CTNNA3: variants seen among roughly 807,000 people sequenced by gnomAD.
The protein encoded by CTNNA3 is catenin alpha 3, also known as catenin alpha-3.
Under a neutral mutation model 95.7 loss-of-function variants are expected in CTNNA3, and 76 were observed. That is an observed-to-expected ratio of 0.79 (90% CI 0.66 to 0.96). The LOEUF (loss-of-function observed/expected upper bound fraction) is 0.96. CTNNA3 is among the 40% of genes least tolerant of loss of function. The pLI is 0.00. For synonymous variants in CTNNA3, 431 were observed against 374.4 expected (o/e 1.15, Z -1.74); for missense variants, 1,191 against 1,089.8 (o/e 1.09, Z -1.31).
At chr10:65,984,931 T>A (rs1327774152) in intron 16 of CTNNA3, among the ~76,000 whole-genome samples, 1 of 151,060 alleles carries the variant, frequency 6.6e-6, no homozygotes, top group Non-Finnish European at 1.5e-5. Context: ...ATAATCAAAC[T>A]CAGAAATTTT....
chr10:67,238,869 T>G (rs1368750246), intron 5 of CTNNA3, among the ~76,000 whole-genome samples: 1 of 152,164 alleles, frequency 6.6e-6, no homozygotes, highest in Non-Finnish European at 1.5e-5. Flanking sequence ...TTATACCTCA[T>G]TATCTAGTAG....
chr10:66,961,456 C>T lies in CTNNA3; in HGVS notation c.1048-185932G>A, dbSNP rs577616707. On this transcript the variant is annotated intron_variant, in intron 7 of 17. Transcript: ENST00000433211. Reference sequence around the variant, plus strand: ...CCATCTTCATTACATTCAAGCATGCCACTCACTGGTGATTTTCTTCCAACC... The same window carrying T: ...CCATCTTCATTACATTCAAGCATGCTACTCACTGGTGATTTTCTTCCAACC... Among the ~76,000 whole-genome samples the T allele has an allele frequency of 7.2e-5, 11 of 152,276 alleles. No homozygotes were observed. In the South Asian group the frequency reaches 2.3e-3, roughly 32 times the overall value.
intron 6 of CTNNA3, among the ~76,000 whole-genome samples, chr10:67,209,977 C>A (rs1032142433): frequency 1.3e-5 from 2 of 151,888 alleles, no homozygotes; most frequent in African/African-American, 2.4e-5. Context: ...AAAAGATCAG[C>A]AAATTAACCT....
In CTNNA3 at chr10:65,920,364, AC is replaced by A; in HGVS notation, c.2653del (p.Val885SerfsTer2). ...TTGTCTTCCTCTAAATTCACTCATG[AC>A]TTGCAATGGATGGATTTTTTTCTTT... is the stretch of plus-strand genomic sequence containing the variant. ...SAKKKIHPLQ[V>X]MSEFRGRQIY On this transcript the variant is annotated frameshift_variant, in exon 18 of 18. Transcript: ENST00000433211. LOFTEE classifies it high-confidence loss of function. 6.2e-7 allele frequency: 1 copy of A among 1,613,926 alleles called. No homozygotes were observed. Among genetic ancestry groups the A allele is most frequent in the South Asian group, 1.1e-5 (1 of 91,078 alleles).
intron 9 of CTNNA3, among the ~76,000 whole-genome samples, chr10:66,713,130 G>C (rs1848347605): frequency 1.3e-5 from 2 of 152,106 alleles, no homozygotes; most frequent in Admixed American, 6.6e-5. Context: ...CACAAAGCTA[G>C]CAGGCTGCTA....
chr10:67,063,800 C>G (rs1855902369), intron 7 of CTNNA3, among the ~76,000 whole-genome samples: 1 of 152,194 alleles, frequency 6.6e-6, no homozygotes, highest in African/African-American at 2.4e-5. Flanking sequence ...TGGAGAAGAT[C>G]TCTAAGTTGC....
intron 2 of CTNNA3, among the ~76,000 whole-genome samples, chr10:67,625,468 T>C (rs568182425): frequency 1.4e-4 from 21 of 152,288 alleles, no homozygotes; most frequent in African/African-American, 5.1e-4. Context: ...ACTTATACTG[T>C]CCATGATAGT....
At chr10:66,696,248 C>T (rs1847759184) in intron 9 of CTNNA3, among the ~76,000 whole-genome samples, 1 of 152,068 alleles carries the variant, frequency 6.6e-6, no homozygotes, top group African/African-American at 2.4e-5. Flanking sequence ...TAGATGTCAT[C>T]AGTGTTTCAG....
intron 7 of CTNNA3, among the ~76,000 whole-genome samples, chr10:67,001,785 A>G (rs1403292342): frequency 6.6e-6 from 1 of 152,202 alleles, no homozygotes; most frequent in Middle Eastern, 3.2e-3. Flanking sequence ...CATGTAATAA[A>G]AAAGGGTGCT....
intron 5 of CTNNA3, among the ~76,000 whole-genome samples, chr10:67,401,652 T>C (rs1844928561): frequency 6.6e-6 from 1 of 152,148 alleles, no homozygotes; most frequent in East Asian, 1.9e-4. Flanking sequence ...GTGCTAGTGA[T>C]TGGATGTGGC....
At chr10:66,442,029 T>C (rs1410583361) in intron 11 of CTNNA3, among the ~76,000 whole-genome samples, 1 of 152,218 alleles carries the variant, frequency 6.6e-6, no homozygotes, top group African/African-American at 2.4e-5. Context: ...TAGTACATTG[T>C]TTGAAAACCT....
chr10:67,285,222 A>G (rs1442634510), intron 5 of CTNNA3, among the ~76,000 whole-genome samples: 1 of 152,242 alleles, frequency 6.6e-6, no homozygotes, highest in Non-Finnish European at 1.5e-5. Flanking sequence ...TTAGACATTT[A>G]GAAGTCCCAA....
At chr10:66,394,423 A>G (rs1208280603) in intron 11 of CTNNA3, among the ~76,000 whole-genome samples, 1 of 152,052 alleles carries the variant, frequency 6.6e-6, no homozygotes, top group East Asian at 1.9e-4. Context: ...AACCTTAGGC[A>G]TTCTCACTCA....
In CTNNA3 at chr10:66,755,104, A is replaced by G. The variant is rs150692562; in HGVS notation, c.1281+11160T>C. ...GAACAGAGAATGAAATGCAGTACAC[A>G]ACAGTATACATCAGAACTGGGCATA... On this transcript the variant is annotated intron_variant, in intron 9 of 17. Coordinates refer to ENST00000433211, the MANE Select transcript of CTNNA3 (RefSeq NM_013266.4). Among the ~76,000 whole-genome samples the G allele has an allele frequency of 1.1e-4, 17 of 152,306 alleles. No individual in the cohort carries two copies. The East Asian group carries it at 3.1e-3, about 28-fold the overall frequency.
chr10:66,011,420 G>A (rs865773905), intron 15 of CTNNA3, among the ~76,000 whole-genome samples: 1 of 152,052 alleles, frequency 6.6e-6, no homozygotes, highest in South Asian at 2.1e-4. Context: ...CATGTGAATT[G>A]GAGAGGTTTC....
intron 7 of CTNNA3, among the ~76,000 whole-genome samples, chr10:66,836,527 A>T (rs1342061598): frequency 6.6e-6 from 1 of 152,144 alleles, no homozygotes; most frequent in African/African-American, 2.4e-5. Flanking sequence ...AGAAAACGGG[A>T]TACCATAAAA....
chr10:66,988,364 T>C (rs1226894476), intron 7 of CTNNA3, among the ~76,000 whole-genome samples: 1 of 152,202 alleles, frequency 6.6e-6, no homozygotes, highest in African/African-American at 2.4e-5. Flanking sequence ...TAGAAATTCA[T>C]CAAAGCAACA....
At chr10:66,444,803 A>G (rs2093405947) in intron 11 of CTNNA3, among the ~76,000 whole-genome samples, 1 of 152,340 alleles carries the variant, frequency 6.6e-6, no homozygotes, top group Middle Eastern at 3.4e-3. Context: ...CATAATGAAC[A>G]GGACCAAATT....
At chr10:66,929,235 A>G (rs1388490003) in intron 7 of CTNNA3, among the ~76,000 whole-genome samples, 1 of 152,252 alleles carries the variant, frequency 6.6e-6, no homozygotes, top group Non-Finnish European at 1.5e-5. Context: ...TGTTTCATAA[A>G]TAAATAAATG....
Sources: gnomAD v4.1 joint callset for allele counts (sites outside exome capture counted in the v4.1 genomes callset) on GRCh38, gnomAD v4.1.1 for gene constraint, MANE v1.5 for transcripts, NCBI Gene and HGNC (gene_info 2026-07-23, HGNC 2026-07-21) for gene names.